CPAMD8: variants seen among roughly 807,000 people sequenced by gnomAD.
CPAMD8 encodes the protein C3 and PZP like alpha-2-macroglobulin domain containing 8.
In CPAMD8, 146 loss-of-function variants were observed where a neutral mutation model predicts 224.7. The ratio of observed to expected loss-of-function variants is 0.65; its 90% CI spans 0.57 to 0.75. CPAMD8 has a LOEUF of 0.75. CPAMD8 is among the 30% of genes least tolerant of loss of function. The pLI, the probability that CPAMD8 is intolerant of heterozygous loss-of-function variation, is 0.00. For synonymous variants in CPAMD8, 966 were observed against 1,044.6 expected (o/e 0.92, Z 1.45); for missense variants, 2,301 against 2,537.5 (o/e 0.91, Z 2.00).
At position 16,945,597 on chromosome 19, in the gene CPAMD8, C is replaced by T. The variant is rs2054045137; in HGVS notation, c.2745G>A (p.Arg915=). The T allele has an allele frequency of 2.5e-6, 4 of 1,614,226 alleles. No individual in the cohort carries two copies. Among genetic ancestry groups the T allele is most frequent in the African/African-American group, 1.3e-5 (1 of 75,064 alleles). Residue 915 remains arginine (R), a synonymous_variant, in exon 22 of 42, where the codon AGG becomes AGA. Coordinates refer to ENST00000443236, the MANE Select transcript of CPAMD8 (RefSeq NM_015692.5). ...CGTGATCCACCCCGATGGGGACCCTCCTGTCGGCGTGATTCTCCTCAGGGT... is the reference window on the plus strand; with the variant it reads ...CGTGATCCACCCCGATGGGGACCCTTCTGTCGGCGTGATTCTCCTCAGGGT... ...SKHPEENHAD[R]RVPIGVDHVR...
intron 30 of CPAMD8, among the ~76,000 whole-genome samples, chr19:16,906,394 CTTTCTTTCTTTCT>C (rs1568459736): frequency 1.8e-3 from 150 of 85,092 alleles, no homozygotes; most frequent in Non-Finnish European, 2.6e-3. Flanking sequence ...TTCTTTCTTT[CTTTCTTTCTTTCT>C]TTCCTTCCTT....
Position 16,929,172 on chromosome 19 carries a change from G to T in CPAMD8, c.2914C>A (p.Arg972Ser). 1 of 1,614,048 alleles carries T rather than the reference G, an allele frequency of 6.2e-7. No homozygotes were observed. The highest frequency in any genetic ancestry group is 8.5e-7 in the Non-Finnish European group (1 of 1,179,954). ...TGAGCTCGCACAGCCACATCAAAGCGGGTGAGGCGCAGTGGCCGCTGCACA... is the reference window on the plus strand; with the variant it reads ...TGAGCTCGCACAGCCACATCAAAGCTGGTGAGGCGCAGTGGCCGCTGCACA... ...QYVQRPLRLT[R>S]FDVAVRAHND... Residue 972 changes from arginine to serine, a missense_variant, in exon 24 of 42, where the codon CGC (arginine) becomes AGC (serine). Coordinates refer to ENST00000443236, the MANE Select transcript of CPAMD8 (RefSeq NM_015692.5).
At chr19:16,905,235 G>A (rs1301714053) in intron 30 of CPAMD8, among the ~76,000 whole-genome samples, 18 of 151,410 alleles carry the variant, frequency 1.2e-4, no homozygotes, top group Non-Finnish European at 1.3e-4. Flanking sequence ...GTGACAGAGT[G>A]AGACTGTCTC....
chr19:16,967,050 T>C (rs2054850942), intron 18 of CPAMD8, among the ~76,000 whole-genome samples: 1 of 152,122 alleles, frequency 6.6e-6, no homozygotes, highest in South Asian at 2.1e-4. Context: ...GTATGTTTAT[T>C]GTGGCACTAT....
intron 27 of CPAMD8, among the ~76,000 whole-genome samples, chr19:16,918,724 A>G (rs2053054659): frequency 2.0e-5 from 3 of 149,050 alleles, no homozygotes; most frequent in African/African-American, 7.4e-5. Flanking sequence ...CAGGGATGAC[A>G]GGCACGTGCC....
intron 11 of CPAMD8, among the ~76,000 whole-genome samples, chr19:16,994,072 C>T (rs553537387): frequency 6.6e-6 from 1 of 152,264 alleles, no homozygotes; most frequent in South Asian, 2.1e-4. Flanking sequence ...CACTGCACTC[C>T]AGCCTGAGTG....
intron 19 of CPAMD8, among the ~76,000 whole-genome samples, chr19:16,952,420 G>A (rs1040246954): frequency 2.0e-5 from 3 of 152,236 alleles, no homozygotes; most frequent in African/African-American, 7.2e-5. Context: ...GCTCATGCCT[G>A]TAATACCAGC....
intron 13 of CPAMD8, among the ~76,000 whole-genome samples, chr19:16,985,830 GGA>G (rs1008557771): frequency 6.6e-6 from 1 of 151,784 alleles, no homozygotes; most frequent in Non-Finnish European, 1.5e-5. Context: ...ATGGAGGGAT[GGA>G]GAGAGAGATG....
intron 19 of CPAMD8, 106 bp from the exon 20 acceptor site, chr19:16,952,306 C>G: frequency 5.9e-6 from 4 of 679,062 alleles, no homozygotes; most frequent in Non-Finnish European, 1.0e-5. Flanking sequence ...GAGAGGCACC[C>G]TAGGAGCTTA....
chr19:16,903,249 G>A (rs1005867689), intron 34 of CPAMD8, among the ~76,000 whole-genome samples: 4 of 151,940 alleles, frequency 2.6e-5, no homozygotes, highest in African/African-American at 9.7e-5. Flanking sequence ...CCCCAGCCTG[G>A]TCTGGGGCTA....
chr19:16,917,426 T>A (rs1689642170), intron 27 of CPAMD8, among the ~76,000 whole-genome samples: 1 of 152,146 alleles, frequency 6.6e-6, no homozygotes, highest in South Asian at 2.1e-4. Flanking sequence ...TTACTCAATT[T>A]TTCTGGAAAC....
At chr19:16,937,739 G>A (rs59530249) in intron 23 of CPAMD8, among the ~76,000 whole-genome samples, 5,175 of 143,146 alleles carry the variant, frequency 0.036, 276 homozygotes, top group African/African-American at 0.12. Context: ...TGCAACCTCC[G>A]CCTCCCCGGT....
intron 17 of CPAMD8, among the ~76,000 whole-genome samples, chr19:16,973,987 G>A (rs9676681): frequency 0.05 from 7,427 of 149,580 alleles, 609 homozygotes; most frequent in African/African-American, 0.17. Flanking sequence ...GCACCACCAC[G>A]CCCAGCTAAT....
chr19:16,974,382 G>A (rs1014585908), intron 17 of CPAMD8, among the ~76,000 whole-genome samples: 6 of 151,748 alleles, frequency 4.0e-5, no homozygotes, highest in Admixed American at 6.6e-5. Flanking sequence ...CACCTATGCA[G>A]TTCAGACCCC....
intron 22 of CPAMD8, 102 bp downstream of exon 22, chr19:16,945,447 G>A: frequency 6.8e-7 from 1 of 1,480,018 alleles, no homozygotes; most frequent in Non-Finnish European, 9.1e-7. Flanking sequence ...AGGCTGCCCA[G>A]GCCCTGGCTC....
intron 21 of CPAMD8, 143 bp downstream of exon 21, chr19:16,946,931 C>T: frequency 1.3e-6 from 1 of 796,118 alleles, no homozygotes; most frequent in Non-Finnish European, 1.9e-6. Context: ...GTCCTGCTTG[C>T]CCCAGTTGCT....
intron 41 of CPAMD8, chr19:16,893,583 A>G (rs1187120356): frequency 2.3e-6 from 1 of 435,688 alleles, no homozygotes; most frequent in Non-Finnish European, 4.1e-6. Context: ...TGCAGACATA[A>G]GCAGGTGCCA....
intron 25 of CPAMD8, 60 bp downstream of exon 25, chr19:16,927,949 A>T: frequency 8.2e-7 from 1 of 1,219,298 alleles, no homozygotes. Flanking sequence ...CTAAGCCTGG[A>T]GTCTCAACTT....
intron 22 of CPAMD8, among the ~76,000 whole-genome samples, chr19:16,938,951 G>A (rs1465904133): frequency 6.6e-6 from 1 of 152,082 alleles, no homozygotes; most frequent in Non-Finnish European, 1.5e-5. Flanking sequence ...CTTCTTCTAT[G>A]GATGACCCCA....
Sources: gnomAD v4.1 joint callset for allele counts (sites outside exome capture counted in the v4.1 genomes callset) on GRCh38, gnomAD v4.1.1 for gene constraint, MANE v1.5 for transcripts, NCBI Gene and HGNC (gene_info 2026-07-23, HGNC 2026-07-21) for gene names.